IDNK: variants seen among roughly 807,000 people sequenced by gnomAD.
IDNK encodes gluconokinase.
IDNK carries 9 observed loss-of-function variants against 13.0 expected under a neutral mutation model. The ratio of observed to expected loss-of-function variants is 0.69; its 90% confidence interval spans 0.42 to 1.21. The LOEUF (loss-of-function observed/expected upper bound fraction) is 1.21. IDNK is among the 50% of genes most tolerant of loss of function. The pLI, the probability that IDNK is intolerant of heterozygous loss-of-function variation, is 0.00. For synonymous variants in IDNK, 92 were observed against 94.9 expected (o/e 0.97, Z 0.18); for missense variants, 210 against 237.8 (o/e 0.88, Z 0.77).
intron 2 of IDNK, 128 bp from the exon 3 acceptor site, chr9:83,628,745 T>C (rs1441736645): frequency 2.9e-6 from 2 of 680,920 alleles, no homozygotes; most frequent in African/African-American, 1.8e-5. Context: ...CTCCTGGGGG[T>C]TGTCCTTGGG....
rs576949691 is a variant in IDNK, at chr9:83,626,996, A to G, written c.51-1185A>G. On this transcript the variant is annotated intron_variant, in intron 1 of 4. Transcript: ENST00000376419. Reference sequence around the variant, plus strand: ...CAGTATCCAGCTAGAATTTAATCACATTGTTCTGTTTTCATTATATACAGC... The same window carrying G: ...CAGTATCCAGCTAGAATTTAATCACGTTGTTCTGTTTTCATTATATACAGC... The G allele has an allele frequency of 5.9e-5, 16 of 271,090 alleles. No homozygotes were observed. The South Asian group carries it at 5.9e-4, about 10-fold the overall frequency. The allele number at this position is 271,090 out of a possible 1,614,324, so 16.8% of individuals were successfully genotyped here.
chr9:83,639,799 G>T, intron 3 of IDNK, among the ~76,000 whole-genome samples: 1 of 152,214 alleles, frequency 6.6e-6, no homozygotes, highest in East Asian at 1.9e-4. Context: ...CCAGAGAGCT[G>T]TATAATTTAT....
chr9:83,623,254 A>G (rs1294718644), intron 1 of IDNK, 33 bp downstream of exon 1: 5 of 1,378,382 alleles, frequency 3.6e-6, no homozygotes, highest in Non-Finnish European at 3.8e-6. Flanking sequence ...GGCGCCCGGG[A>G]CAAGTGTTGC....
intron 3 of IDNK, among the ~76,000 whole-genome samples, chr9:83,632,594 A>C (rs1168140394): frequency 6.6e-6 from 1 of 151,434 alleles, no homozygotes; most frequent in East Asian, 1.9e-4. Flanking sequence ...TCACAAAAAA[A>C]ATCTCATGTT....
intron 3 of IDNK, among the ~76,000 whole-genome samples, chr9:83,630,041 G>A (rs1221657921): frequency 6.6e-6 from 1 of 152,236 alleles, no homozygotes; most frequent in East Asian, 1.9e-4. Context: ...GGGCAAGAAC[G>A]AATGGAACTG....
intron 4 of IDNK, 31 bp downstream of exon 4, chr9:83,641,622 A>G (rs761107597): frequency 6.2e-7 from 1 of 1,610,220 alleles, no homozygotes; most frequent in South Asian, 1.1e-5. Flanking sequence ...GGCATAAGCC[A>G]AAGCCAGCAG....
intron 3 of IDNK, 60 bp downstream of exon 3, chr9:83,629,019 C>T: frequency 7.8e-7 from 1 of 1,284,456 alleles, no homozygotes; most frequent in Non-Finnish European, 1.1e-6. Flanking sequence ...GATGAGCTCG[C>T]TACAGCACTT....
At chr9:83,627,679 A>T (rs1830892604) in intron 1 of IDNK, among the ~76,000 whole-genome samples, 1 of 152,084 alleles carries the variant, frequency 6.6e-6, no homozygotes, top group African/African-American at 2.4e-5. Flanking sequence ...TGAGATATTG[A>T]CCCATGTCCT....
intron 3 of IDNK, among the ~76,000 whole-genome samples, chr9:83,633,005 T>C (rs924556331): frequency 9.2e-5 from 14 of 152,210 alleles, no homozygotes; most frequent in African/African-American, 3.4e-4. Context: ...CTTGAAATTA[T>C]CTTTATCTTT....
chr9:83,628,121 A>T (rs926125209), intron 1 of IDNK, 60 bp from the exon 2 acceptor site: 1 of 1,549,296 alleles, frequency 6.5e-7, no homozygotes, highest in African/African-American at 1.4e-5. Flanking sequence ...ATCCTTGCAC[A>T]GAAGGAAGCT....
At chr9:83,637,079 G>C (rs932019683) in intron 3 of IDNK, among the ~76,000 whole-genome samples, 8 of 151,992 alleles carry the variant, frequency 5.3e-5, no homozygotes, top group Non-Finnish European at 8.8e-5. Context: ...GTTGTGATTT[G>C]AGTAATGATT....
At chr9:83,636,357 A>T (rs765886477) in intron 3 of IDNK, among the ~76,000 whole-genome samples, 11 of 152,164 alleles carry the variant, frequency 7.2e-5, no homozygotes, top group Admixed American at 1.3e-4. Context: ...TCCATCAAAA[A>T]ATACTTCAGA....
intron 1 of IDNK, among the ~76,000 whole-genome samples, chr9:83,627,438 C>T (rs1420171246): frequency 6.6e-6 from 1 of 152,122 alleles, no homozygotes; most frequent in African/African-American, 2.4e-5. Flanking sequence ...CATCATGTGG[C>T]TCAGATCCCT....
At chr9:83,628,090 G>T in intron 1 of IDNK, 91 bp from the exon 2 acceptor site, 1 of 1,539,964 alleles carries the variant, frequency 6.5e-7, no homozygotes, top group Non-Finnish European at 8.8e-7. Context: ...TCCTGCTAAG[G>T]CAGCCATCCC....
chr9:83,626,711 CA>C, intron 1 of IDNK: 1 of 1,266,864 alleles, frequency 7.9e-7, no homozygotes, highest in Non-Finnish European at 1.0e-6. Context: ...GCCAAGGGCT[CA>C]ACCTAACTTG....
rs146334777 is a variant in IDNK, at chr9:83,627,394, C to T, written c.51-787C>T. The stretch of plus-strand genomic sequence containing the variant: ...GTTACATCCTGGGAACTGGTAGGTG[C>T]TCAATAAAGAAATGAAATGTAGGTG... On this transcript the variant is annotated intron_variant, in intron 1 of 4. Coordinates refer to ENST00000376419, the MANE Select transcript of IDNK (RefSeq NM_001001551.4). Among the ~76,000 whole-genome samples the T allele has an allele frequency of 1.4e-3, 211 of 152,212 alleles. 1 individual carries two copies. Among genetic ancestry groups the T allele is most frequent in the Non-Finnish European group, 1.9e-3 (131 of 68,016 alleles).
At chr9:83,631,653 A>T (rs1186103278) in intron 3 of IDNK, among the ~76,000 whole-genome samples, 1 of 151,840 alleles carries the variant, frequency 6.6e-6, no homozygotes, top group Non-Finnish European at 1.5e-5. Context: ...TAAAATGTAA[A>T]ATCTAGTCCC....
intron 3 of IDNK, among the ~76,000 whole-genome samples, chr9:83,639,203 C>G (rs1344738641): frequency 6.6e-6 from 1 of 152,010 alleles, no homozygotes; most frequent in Non-Finnish European, 1.5e-5. Context: ...AATTAACATT[C>G]ATATAAATAA....
In IDNK at chr9:83,643,942, G is replaced by A. The variant is rs73476304; in HGVS notation, c.*162G>A. Reference sequence around the variant, plus strand: ...GTTTAGGTGTAATTTTAGGAATTATGCTGGTTCATCAGGAAGCAGAGGGGG... The same window carrying A: ...GTTTAGGTGTAATTTTAGGAATTATACTGGTTCATCAGGAAGCAGAGGGGG... On this transcript the variant is annotated 3_prime_UTR_variant, in exon 5 of 5. Coordinates refer to ENST00000376419, the MANE Select transcript of IDNK (RefSeq NM_001001551.4). The A allele has an allele frequency of 5.2e-3, 2,981 of 570,518 alleles. 53 individuals are homozygous for A. Among genetic ancestry groups the A allele is most frequent in the African/African-American group, 0.039 (2,062 of 53,128 alleles). The allele number at this position is 570,518 out of a possible 1,614,324, so 35.3% of individuals were successfully genotyped here. A position where few individuals can be genotyped will look rare whatever the true frequency, so the allele number is the denominator to read the frequency against.
Sources: allele counts gnomAD v4.1 joint callset (sites outside exome capture counted in the v4.1 genomes callset), GRCh38; gene constraint gnomAD v4.1.1; transcripts MANE v1.5; gene names NCBI Gene and HGNC (gene_info 2026-07-23, HGNC 2026-07-21).